Variants in GDAP1L1 observed in about 807,000 individuals in gnomAD.
GDAP1L1 encodes the protein ganglioside induced differentiation associated protein 1 like 1, also known as ganglioside-induced differentiation-associated protein 1-like 1.
In GDAP1L1, 21 loss-of-function variants were observed where a neutral mutation model predicts 37.1. The observed-to-expected ratio is 0.57, with a 90% CI of 0.40 to 0.81. The LOEUF (loss-of-function observed/expected upper bound fraction) is 0.81, where lower values mean the gene tolerates loss of function less well. Ranked by LOEUF, GDAP1L1 falls within the 40% of genes least tolerant of loss-of-function variation. The pLI, the probability that GDAP1L1 is intolerant of heterozygous loss-of-function variation, is 0.00. For missense variants in GDAP1L1, 362 were observed against 491.6 expected, an observed-to-expected ratio of 0.74 and a Z score of 2.49; for synonymous variants, 193 against 209.1, an observed-to-expected ratio of 0.92 and a Z score of 0.67.
At chr20:44,265,536 C>CT (rs1289378132) in intron 5 of GDAP1L1, 3 of 954,168 alleles carry the variant, frequency 3.1e-6, no homozygotes, top group Non-Finnish European at 2.5e-6. Flanking sequence ...GTAAGAAAAA[C>CT]TTGAAATAGA....
At chr20:44,254,606 C>G (rs1304596045) in intron 1 of GDAP1L1, among the ~76,000 whole-genome samples, 1 of 152,212 alleles carries the variant, frequency 6.6e-6, no homozygotes, top group South Asian at 2.1e-4. Context: ...AAAGGAGGCT[C>G]AGAAAGGGGC....
chr20:44,269,233 T>C (rs897317037), intron 5 of GDAP1L1, among the ~76,000 whole-genome samples: 3 of 152,142 alleles, frequency 2.0e-5, no homozygotes, highest in Admixed American at 6.6e-5. Flanking sequence ...TAGGGATAAA[T>C]TAATGAGCAA....
Position 44,279,626 on chromosome 20 carries a change from GT to G in GDAP1L1, c.*327del, listed in dbSNP as rs1231401631. The G allele has an allele frequency of 4.0e-6, 2 of 495,812 alleles. No individual in the cohort carries two copies. Among genetic ancestry groups the G allele is most frequent in the African/African-American group, 3.9e-5 (2 of 51,188 alleles). 30.7% of individuals were successfully genotyped at this position (495,812 alleles called of 1,614,324 possible). ...GGAGACTGGTTAGGATCTGAGGTGA[GT>G]CCCAGGATGTTTCGTCCACCAGGGC... On this transcript the variant is annotated 3_prime_UTR_variant, in exon 6 of 6. Transcript: ENST00000342560.
chr20:44,258,441 G>C lies in GDAP1L1; in HGVS notation c.381G>C (p.Val127=), dbSNP rs764651776. The C allele has an allele frequency of 4.1e-5, 64 of 1,550,940 alleles. No individual in the cohort carries two copies. The highest frequency in any genetic ancestry group is 5.1e-5 in the Non-Finnish European group (58 of 1,147,360). ...CCCTGGCGGTGCCCACAGAGCACGT[G>C]GTGGCCCTGATGCCCGAGGTGGGCA... ...YVERTFTGEH[V]VALMPEVGSL... is the part of the protein sequence containing the mutation. The change falls in exon 3 of 6, where the codon GTG becomes GTC. Residue 127 remains valine, a synonymous_variant. Coordinates refer to ENST00000342560, the MANE Select transcript of GDAP1L1 (RefSeq NM_024034.6).
At chr20:44,270,292 T>C (rs1439766161) in intron 5 of GDAP1L1, among the ~76,000 whole-genome samples, 1 of 143,952 alleles carries the variant, frequency 6.9e-6, no homozygotes, top group Non-Finnish European at 1.5e-5. Flanking sequence ...TGCCTCAGCC[T>C]CCCAAGTAGC....
intron 1 of GDAP1L1, among the ~76,000 whole-genome samples, chr20:44,256,718 G>C (rs1280225236): frequency 6.6e-6 from 1 of 151,964 alleles, no homozygotes; most frequent in African/African-American, 2.4e-5. Flanking sequence ...TACTCCTAGG[G>C]GCCAGGCTGA....
At chr20:44,275,872 C>A (rs1019956180) in intron 5 of GDAP1L1, among the ~76,000 whole-genome samples, 1 of 152,128 alleles carries the variant, frequency 6.6e-6, no homozygotes, top group Non-Finnish European at 1.5e-5. Flanking sequence ...ATGCAATAGT[C>A]AAGCTAAATT....
At chr20:44,266,238 G>T (rs1293259185) in intron 5 of GDAP1L1, among the ~76,000 whole-genome samples, 1 of 152,082 alleles carries the variant, frequency 6.6e-6, no homozygotes, top group East Asian at 1.9e-4. Context: ...AACCTGGGAG[G>T]CAGAGGTTGC....
At chr20:44,275,287 T>G (rs191789073) in intron 5 of GDAP1L1, among the ~76,000 whole-genome samples, 24 of 152,252 alleles carry the variant, frequency 1.6e-4, no homozygotes, top group Non-Finnish European at 2.4e-4. Flanking sequence ...ATGAGCCTCT[T>G]GAGGGGAGAC....
intron 4 of GDAP1L1, among the ~76,000 whole-genome samples, chr20:44,263,670 C>A (rs965571296): frequency 2.6e-5 from 4 of 151,992 alleles, no homozygotes; most frequent in African/African-American, 9.7e-5. Context: ...ATGGTGAAAC[C>A]CCATCTCTAC....
Position 44,279,774 on chromosome 20 carries a change from C to T in GDAP1L1, c.*474C>T. On this transcript the variant is annotated 3_prime_UTR_variant, in exon 6 of 6. Coordinates refer to ENST00000342560, the MANE Select transcript of GDAP1L1 (RefSeq NM_024034.6). ...CAAGACTCAACTCCTCTAACCGGTA[C>T]CTCTGAATGGGGCTGGATAACCGGA... 1 of 471,914 alleles carries T rather than the reference C, an allele frequency of 2.1e-6. No individual in the cohort carries two copies. Among genetic ancestry groups the T allele is most frequent in the Non-Finnish European group, 4.4e-6 (1 of 227,316 alleles). 29.2% of individuals were successfully genotyped at this position (471,914 alleles called of 1,614,324 possible). A position where few individuals can be genotyped will look rare whatever the true frequency, so the allele number is the denominator to read the frequency against.
At chr20:44,256,231 C>G (rs868710075) in intron 1 of GDAP1L1, among the ~76,000 whole-genome samples, 1 of 152,190 alleles carries the variant, frequency 6.6e-6, no homozygotes, top group Non-Finnish European at 1.5e-5. Flanking sequence ...CTACCCTCCT[C>G]TAGGGGCTGT....
At chr20:44,268,160 G>A (rs926196474) in intron 5 of GDAP1L1, among the ~76,000 whole-genome samples, 2 of 152,234 alleles carry the variant, frequency 1.3e-5, no homozygotes, top group African/African-American at 2.4e-5. Context: ...TAATGTCACA[G>A]TTGAGACCCC....
Position 44,258,417 on chromosome 20 carries a change from C to T in GDAP1L1, c.374-17C>T. 4 of 1,547,058 alleles carry T rather than the reference C, an allele frequency of 2.6e-6. No individual in the cohort carries two copies. The highest frequency in any genetic ancestry group is 3.5e-6 in the Non-Finnish European group (4 of 1,144,936). On this transcript the variant is annotated splice_polypyrimidine_tract_variant and intron_variant, in intron 2 of 5. Coordinates refer to ENST00000342560, the MANE Select transcript of GDAP1L1 (RefSeq NM_024034.6). ...GCCCCTCTGGCTTCCCTGCCCAGCCCCTGGCGGTGCCCACAGAGCACGTGG... is the reference window on the plus strand; with the variant it reads ...GCCCCTCTGGCTTCCCTGCCCAGCCTCTGGCGGTGCCCACAGAGCACGTGG...
intron 5 of GDAP1L1, among the ~76,000 whole-genome samples, chr20:44,278,477 T>C (rs2062607773): frequency 6.6e-6 from 1 of 152,162 alleles, no homozygotes; most frequent in South Asian, 2.1e-4. Flanking sequence ...ATCTCCCAGG[T>C]TGAGGCAATT....
rs189278578 is a variant in GDAP1L1 at position 44,252,365 on chromosome 20, C to A, written c.181-4788C>A. 2.0e-4 allele frequency among the ~76,000 whole-genome samples: 31 copies of A among 152,306 alleles called. No individual in the cohort carries two copies. In the East Asian group the frequency reaches 4.1e-3, roughly 20 times the overall value. On this transcript the variant is annotated intron_variant, in intron 1 of 5. Transcript: ENST00000342560. ...GTCTCTCCTAAAAATACAGGCTGGG[C>A]GTGGTGGCTCGCGCCTGTAATCCCA... is the stretch of plus-strand genomic sequence containing the variant.
intron 3 of GDAP1L1, among the ~76,000 whole-genome samples, chr20:44,262,913 T>C (rs1260126388): frequency 6.6e-6 from 1 of 151,988 alleles, no homozygotes; most frequent in Non-Finnish European, 1.5e-5. Flanking sequence ...TTCTTGCTAT[T>C]TGCCCAAGCT....
rs1032333707 is a variant in GDAP1L1 at position 44,279,616 on chromosome 20, T to C, written c.*316T>C. 2.0e-6 allele frequency: 1 copy of C among 503,050 alleles called. No homozygotes were observed. The highest frequency in any genetic ancestry group is 1.9e-5 in the African/African-American group (1 of 51,488). 31.2% of individuals were successfully genotyped at this position (503,050 alleles called of 1,614,324 possible). Reference sequence around the variant, plus strand: ...ATGGAACTGTGGAGACTGGTTAGGATCTGAGGTGAGTCCCAGGATGTTTCG... The same window carrying C: ...ATGGAACTGTGGAGACTGGTTAGGACCTGAGGTGAGTCCCAGGATGTTTCG... On this transcript the variant is annotated 3_prime_UTR_variant, in exon 6 of 6. Transcript: ENST00000342560.
chr20:44,257,069 C>T, intron 1 of GDAP1L1, 84 bp from the exon 2 acceptor site: 4 of 1,390,860 alleles, frequency 2.9e-6, no homozygotes, highest in Non-Finnish European at 3.8e-6. Flanking sequence ...CCTCTGACCT[C>T]CCTCCCCGCA....
Sources: gnomAD v4.1 joint callset for allele counts (sites outside exome capture counted in the v4.1 genomes callset) on GRCh38, gnomAD v4.1.1 for gene constraint, MANE v1.5 for transcripts, NCBI Gene and HGNC (gene_info 2026-07-23, HGNC 2026-07-21) for gene names.